The following AR variants were observed in gnomAD, a reference collection of about 807,000 sequenced individuals.
AR encodes the protein androgen receptor.
In AR, 8 loss-of-function variants were observed where a neutral mutation model predicts 53.9. The observed-to-expected ratio is 0.15, with a 90% CI of 0.09 to 0.27. The LOEUF (loss-of-function observed/expected upper bound fraction) is 0.27, where lower values mean the gene tolerates loss of function less well. AR is among the 10% of genes least tolerant of loss of function. AR has a pLI of 1.00. For synonymous variants in AR, 359 were observed against 316.4 expected, an observed-to-expected ratio of 1.13 and a Z score of -1.43; for missense variants, 639 against 742.5, an observed-to-expected ratio of 0.86 and a Z score of 1.62.
At chrX:67,703,604 T>TA (rs2076051961) in intron 3 of AR, among the ~76,000 whole-genome samples, 2 of 112,007 alleles carry the variant, frequency 1.8e-5, no homozygotes, top group South Asian at 7.4e-4. Context: ...TCCCCTTTGC[T>TA]AAAAAAGAAA....
At chrX:67,610,256 G>T (rs918765770) in intron 1 of AR, among the ~76,000 whole-genome samples, 2 of 111,466 alleles carry the variant, frequency 1.8e-5, no homozygotes, top group Non-Finnish European at 3.8e-5. Context: ...GAGCTTTCAT[G>T]CATCACACTA....
Position 67,721,825 on chromosome X carries a change from C to A in AR, c.2319-8C>A. Reference sequence around the variant, plus strand: ...CATTCCTTTTTCCTCTGTGTATCTCCTTCCCAGGTACCGCATGCACAAGTC... The same window carrying A: ...CATTCCTTTTTCCTCTGTGTATCTCATTCCCAGGTACCGCATGCACAAGTC... On this transcript the variant is annotated splice_polypyrimidine_tract_variant and splice_region_variant and intron_variant, in intron 5 of 7. Coordinates refer to ENST00000374690, the MANE Select transcript of AR (RefSeq NM_000044.6). 1 of 1,210,919 alleles carries A rather than the reference C, an allele frequency of 8.3e-7. No homozygotes were observed. Among genetic ancestry groups the A allele is most frequent in the Non-Finnish European group, 1.1e-6 (1 of 895,079 alleles).
At chrX:67,604,869 C>T (rs949261999) in intron 1 of AR, among the ~76,000 whole-genome samples, 1 of 111,680 alleles carries the variant, frequency 9.0e-6, no homozygotes, top group Non-Finnish European at 1.9e-5. Context: ...TATTCCTCTG[C>T]ACTCACCCTG....
intron 3 of AR, among the ~76,000 whole-genome samples, chrX:67,707,395 G>A (rs1184926542): frequency 8.9e-6 from 1 of 111,742 alleles, no homozygotes; most frequent in East Asian, 2.8e-4. Context: ...ATTATGTAAT[G>A]GCCTTCTTTG....
intron 1 of AR, among the ~76,000 whole-genome samples, chrX:67,549,320 T>C (rs976095662): frequency 2.7e-5 from 3 of 111,753 alleles, no homozygotes; most frequent in South Asian, 3.8e-4. Flanking sequence ...GTCCCTCCCT[T>C]TACCATTCAT....
At chrX:67,715,847 A>G (rs2076110934) in intron 4 of AR, among the ~76,000 whole-genome samples, 1 of 112,066 alleles carries the variant, frequency 8.9e-6, no homozygotes, top group African/African-American at 3.2e-5. Flanking sequence ...AGGTATGATG[A>G]CAAAATTTCA....
intron 2 of AR, among the ~76,000 whole-genome samples, chrX:67,662,420 T>C (rs1225609176): frequency 9.0e-6 from 1 of 111,393 alleles, no homozygotes; most frequent in East Asian, 2.8e-4. Context: ...TCAAAGAACA[T>C]CTTTATTTCT....
rs1169839034 is a variant in AR, at chrX:67,727,328, T to C, written c.*3487T>C. The C allele has an allele frequency of 5.9e-6, 1 of 169,482 alleles. No homozygotes were observed. The highest frequency in any genetic ancestry group is 1.1e-5 in the Non-Finnish European group (1 of 88,377). 14.0% of individuals were successfully genotyped at this position (169,482 alleles called of 1,213,427 possible). ...GTATGTTCACTGGCACTAAAAAATA[T>C]AGAGAGCTTCATTCTGTCCTTTGGG... On this transcript the variant is annotated 3_prime_UTR_variant, in exon 8 of 8. Transcript: ENST00000374690.
At chrX:67,589,771 G>C (rs968635459) in intron 1 of AR, among the ~76,000 whole-genome samples, 4 of 111,665 alleles carry the variant, frequency 3.6e-5, no homozygotes, top group African/African-American at 6.5e-5. Context: ...CAGGCAGCCA[G>C]TTTCCCCTCT....
Position 67,723,974 on chromosome X carries a change from A to C in AR, c.*133A>C. On this transcript the variant is annotated 3_prime_UTR_variant, in exon 8 of 8. Transcript: ENST00000374690. ...TATTGATGTACAGTCTGTCATGAAC[A>C]TGTTCCTGAATTCTATTTGCTGGGC... 1.2e-6 allele frequency: 1 copy of C among 860,900 alleles called. No homozygotes were observed. Among genetic ancestry groups the C allele is most frequent in the Non-Finnish European group, 1.6e-6 (1 of 612,619 alleles). 70.9% of individuals were successfully genotyped at this position (860,900 alleles called of 1,213,427 possible).
In AR at chrX:67,664,978, T is replaced by A. The variant is rs183272105; in HGVS notation, c.1769-21032T>A. ...AGACCATTGAAAAAGTGCAGTATTA[T>A]GGTGGGAGTGACCCGATTTTCCAGG... On this transcript the variant is annotated intron_variant, in intron 2 of 7. Transcript: ENST00000374690. Among the ~76,000 whole-genome samples, 9 of 112,917 alleles carry A rather than the reference T, an allele frequency of 8.0e-5. 1 individual carries two copies. The highest frequency in any genetic ancestry group is 2.2e-4 in the African/African-American group (7 of 31,139).
intron 2 of AR, among the ~76,000 whole-genome samples, chrX:67,649,859 G>C (rs1255262249): frequency 8.9e-6 from 1 of 112,144 alleles, no homozygotes; most frequent in Non-Finnish European, 1.9e-5. Context: ...TTCTTTTGCT[G>C]TGCAGAAGCT....
chrX:67,587,446 G>GA (rs1390598719), intron 1 of AR, among the ~76,000 whole-genome samples: 1 of 112,498 alleles, frequency 8.9e-6, no homozygotes, highest in African/African-American at 3.2e-5. Flanking sequence ...CTGCCTGTTT[G>GA]AAAATCACAC....
chrX:67,580,868 A>G (rs1922265319), intron 1 of AR, among the ~76,000 whole-genome samples: 1 of 111,474 alleles, frequency 9.0e-6, no homozygotes, highest in South Asian at 3.7e-4. Context: ...ACTCCTATAT[A>G]CATTCCCAGC....
chrX:67,563,157 G>A (rs1029170231), intron 1 of AR, among the ~76,000 whole-genome samples: 1 of 111,848 alleles, frequency 8.9e-6, no homozygotes, highest in African/African-American at 3.2e-5. Context: ...ATGATATGAG[G>A]CATACTTTGT....
At chrX:67,694,984 T>C in intron 3 of AR, 1 of 939,004 alleles carries the variant, frequency 1.1e-6, no homozygotes, top group Non-Finnish European at 1.3e-6. Flanking sequence ...GTATCATGAT[T>C]ATTGTTTCCT....
intron 2 of AR, among the ~76,000 whole-genome samples, chrX:67,660,297 G>A (rs1386304705): frequency 8.9e-6 from 1 of 111,898 alleles, no homozygotes; most frequent in Non-Finnish European, 1.9e-5. Context: ...CCATGCCTAT[G>A]TCCTGAATGG....
intron 3 of AR, chrX:67,689,703 A>C: frequency 1.2e-6 from 1 of 868,314 alleles, no homozygotes; most frequent in South Asian, 3.2e-5. Context: ...GCATTTGAAA[A>C]CCACATATTG....
intron 1 of AR, among the ~76,000 whole-genome samples, chrX:67,624,167 T>C (rs1924507398): frequency 9.0e-6 from 1 of 111,346 alleles, no homozygotes; most frequent in African/African-American, 3.3e-5. Flanking sequence ...TCCTACCAGG[T>C]CCCTTCCCCA....
Sources: allele counts gnomAD v4.1 joint callset (sites outside exome capture counted in the v4.1 genomes callset), GRCh38; gene constraint gnomAD v4.1.1; transcripts MANE v1.5; gene names NCBI Gene and HGNC (gene_info 2026-07-23, HGNC 2026-07-21).